The following RBFOX1 variants were observed in gnomAD, a reference collection of about 807,000 sequenced individuals.
RBFOX1 encodes RNA binding fox-1 homolog 1.
In RBFOX1, 8 loss-of-function variants were observed where a neutral mutation model predicts 57.7. The ratio of observed to expected loss-of-function variants is 0.14; its 90% CI spans 0.08 to 0.25. RBFOX1 has a LOEUF of 0.25. Among genes scored for constraint, RBFOX1 ranks in the 10% least tolerant of loss-of-function variants. The pLI is 1.00. For missense variants in RBFOX1, 611 were observed against 548.5 expected, an observed-to-expected ratio of 1.11 and a Z score of -1.14; for synonymous variants, 326 against 222.4, an observed-to-expected ratio of 1.47 and a Z score of -4.15.
In RBFOX1 at chr16:6,673,416, C is replaced by T. The variant is rs899215075; in HGVS notation, c.-16+18766C>T. Among the ~76,000 whole-genome samples the T allele has an allele frequency of 3.9e-5, 6 of 152,052 alleles. No homozygotes were observed. The South Asian group carries it at 1.2e-3, about 32-fold the overall frequency. ...CAGCCTGGTCAACATGGCAAAACCG[C>T]ATCTCTACTAAAAATACAAAAATTA... On this transcript the variant is annotated intron_variant, in intron 3 of 15. Coordinates refer to ENST00000550418, the MANE Select transcript of RBFOX1 (RefSeq NM_018723.4).
chr16:5,658,126 C>G (rs189492839), intron 3 of RBFOX1, among the ~76,000 whole-genome samples: 6 of 152,122 alleles, frequency 3.9e-5, no homozygotes, highest in Non-Finnish European at 8.8e-5. Flanking sequence ...AGTTGTTGAG[C>G]AAAGCAATGC....
At chr16:7,356,889 C>T (rs1444130563) in intron 4 of RBFOX1, among the ~76,000 whole-genome samples, 2 of 152,124 alleles carry the variant, frequency 1.3e-5, no homozygotes, top group Non-Finnish European at 2.9e-5. Flanking sequence ...ATAACCAAAG[C>T]ATGGCAAGAA....
intron 1 of RBFOX1, among the ~76,000 whole-genome samples, chr16:6,279,701 A>C (rs1199683540): frequency 6.6e-6 from 1 of 152,158 alleles, no homozygotes; most frequent in Admixed American, 6.5e-5. Flanking sequence ...ATCTTTACTG[A>C]GGCTGTTGAT....
chr16:7,609,483 C>T (rs557741869), intron 10 of RBFOX1, among the ~76,000 whole-genome samples: 22 of 152,208 alleles, frequency 1.4e-4, no homozygotes, highest in African/African-American at 5.3e-4. Context: ...TGCATGACTT[C>T]TAGAACATTA....
chr16:5,320,229 G>C (rs1415400032), intron 1 of RBFOX1, among the ~76,000 whole-genome samples: 1 of 152,178 alleles, frequency 6.6e-6, no homozygotes, highest in African/African-American at 2.4e-5. Context: ...GTTGAGAAGG[G>C]CTTATGGGAG....
At chr16:5,307,886 C>G (rs1157853301) in intron 1 of RBFOX1, among the ~76,000 whole-genome samples, 2 of 152,158 alleles carry the variant, frequency 1.3e-5, no homozygotes, top group Non-Finnish European at 2.9e-5. Context: ...CCATGTGGCC[C>G]TGGCTGGTCT....
rs11076989 is a variant in RBFOX1 at position 5,925,833 on chromosome 16, A to G, written c.351+58498A>G. On this transcript the variant is annotated intron_variant, in intron 4 of 19. Coordinates refer to the RBFOX1 transcript ENST00000641259. ...GCTCACACATCGGCATAAACCTCCA[A>G]ATAACTACCTGGGCCCCTCTCAGCA... Among the ~76,000 whole-genome samples the G allele has an allele frequency of 5.0e-4, 76 of 152,280 alleles. No homozygotes were observed. In the East Asian group the frequency reaches 0.014, roughly 28 times the overall value.
chr16:6,891,349 A>G (rs551148115), intron 3 of RBFOX1, among the ~76,000 whole-genome samples: 9 of 152,284 alleles, frequency 5.9e-5, no homozygotes, highest in East Asian at 3.9e-4. Context: ...CTACTTGCCC[A>G]TCGATATAAG....
chr16:6,819,644 G>T lies in RBFOX1; in HGVS notation c.-16+164994G>T, dbSNP rs544515738. 3.5e-5 allele frequency among the ~76,000 whole-genome samples: 5 copies of T among 143,842 alleles called. No individual in the cohort carries two copies. In the Admixed American group the frequency reaches 3.7e-4, roughly 11 times the overall value. 94.4% of individuals were successfully genotyped at this position (143,842 alleles called of 152,430 possible). On this transcript the variant is annotated intron_variant, in intron 3 of 15. Transcript: ENST00000550418. The stretch of plus-strand genomic sequence containing the variant: ...TGCTTGAACCTGGGAAGCGGAGGTT[G>T]CAGTGAGCCAGGATCAAGGCATTGC...
At chr16:6,799,738 C>T (rs1034938628) in intron 3 of RBFOX1, among the ~76,000 whole-genome samples, 2 of 152,114 alleles carry the variant, frequency 1.3e-5, no homozygotes, top group African/African-American at 4.8e-5. Flanking sequence ...ACTTCTTGCC[C>T]TTGACCATCA....
chr16:5,994,696 A>G (rs1482503368), intron 4 of RBFOX1, among the ~76,000 whole-genome samples: 6 of 152,186 alleles, frequency 3.9e-5, no homozygotes, highest in African/African-American at 1.4e-4. Context: ...CTGTGTTCCA[A>G]TAAAACTTTA....
intron 1 of RBFOX1, among the ~76,000 whole-genome samples, chr16:6,089,563 G>A (rs973554811): frequency 4.6e-5 from 7 of 152,316 alleles, no homozygotes; most frequent in Middle Eastern, 3.4e-3. Context: ...AAGATTTTAA[G>A]CAGAGTGATG....
chr16:6,020,594 G>C (rs2095052160), intron 1 of RBFOX1, among the ~76,000 whole-genome samples: 1 of 152,136 alleles, frequency 6.6e-6, no homozygotes, highest in Non-Finnish European at 1.5e-5. Context: ...CTGCGAATGG[G>C]AAACTCCTAC....
chr16:7,709,235 A>G (rs2083469512), intron 15 of RBFOX1, 104 bp downstream of exon 15: 2 of 1,171,060 alleles, frequency 1.7e-6, no homozygotes, highest in East Asian at 4.9e-5. Flanking sequence ...CCGTTAATTG[A>G]ATTTGTCTCT....
chr16:6,869,183 C>T (rs1026702096), intron 3 of RBFOX1, among the ~76,000 whole-genome samples: 4 of 152,180 alleles, frequency 2.6e-5, no homozygotes, highest in East Asian at 1.9e-4. Flanking sequence ...GCTTTGCACG[C>T]TCATCTCTTC....
At chr16:6,424,616 TGTGC>T (rs200552939) in intron 2 of RBFOX1, among the ~76,000 whole-genome samples, 2,050 of 122,538 alleles carry the variant, frequency 0.017, 50 homozygotes, top group African/African-American at 0.061. Flanking sequence ...TGTGTGTGTG[TGTGC>T]GTGTGTGTGA....
intron 3 of RBFOX1, among the ~76,000 whole-genome samples, chr16:7,005,728 G>A (rs765798809): frequency 2.6e-5 from 4 of 152,166 alleles, no homozygotes; most frequent in African/African-American, 4.8e-5. Flanking sequence ...AGACAAGACC[G>A]CTAGGTGATC....
At chr16:6,926,353 C>T (rs187839658) in intron 3 of RBFOX1, among the ~76,000 whole-genome samples, 72 of 152,192 alleles carry the variant, frequency 4.7e-4, no homozygotes, top group East Asian at 2.9e-3. Context: ...TGACTGGGTA[C>T]ACAGAGTTGT....
intron 3 of RBFOX1, among the ~76,000 whole-genome samples, chr16:6,873,077 T>C (rs895160752): frequency 3.3e-5 from 5 of 151,912 alleles, no homozygotes; most frequent in Non-Finnish European, 7.4e-5. Flanking sequence ...CCCAAACTTC[T>C]GAAATATGTA....
Sources: gnomAD v4.1 joint callset for allele counts (sites outside exome capture counted in the v4.1 genomes callset) on GRCh38, gnomAD v4.1.1 for gene constraint, MANE v1.5 for transcripts, NCBI Gene and HGNC (gene_info 2026-07-23, HGNC 2026-07-21) for gene names.